The following EFNA5 variants were observed in gnomAD, a reference collection of about 807,000 sequenced individuals.
EFNA5 encodes the protein ephrin A5.
EFNA5 carries 5 observed loss-of-function variants against 22.9 expected under a neutral mutation model. The ratio of observed to expected loss-of-function variants is 0.22; its 90% CI spans 0.11 to 0.46. The LOEUF (loss-of-function observed/expected upper bound fraction) is 0.46, where lower values mean the gene tolerates loss of function less well. EFNA5 is among the 20% of genes least tolerant of loss of function. EFNA5 has a pLI of 0.99. For missense variants in EFNA5, 237 were observed against 293.3 expected, an observed-to-expected ratio of 0.81 and a Z score of 1.40; for synonymous variants, 113 against 112.2, an observed-to-expected ratio of 1.01 and a Z score of -0.04.
At chr5:107,602,169 T>C (rs933652165) in intron 1 of EFNA5, among the ~76,000 whole-genome samples, 1 of 152,244 alleles carries the variant, frequency 6.6e-6, no homozygotes, top group Non-Finnish European at 1.5e-5. Context: ...ATGTTTCATA[T>C]GAGGAGCTGT....
chr5:107,582,746 CAAA>C (rs541017429), intron 1 of EFNA5, among the ~76,000 whole-genome samples: 1 of 139,330 alleles, frequency 7.2e-6, no homozygotes, highest in Non-Finnish European at 1.6e-5. Flanking sequence ...AGATCTTGTA[CAAA>C]AAAAAAAAAG....
intron 1 of EFNA5, among the ~76,000 whole-genome samples, chr5:107,623,058 A>AAAAAAAAC (rs1750072180): frequency 2.1e-5 from 3 of 143,768 alleles, no homozygotes; most frequent in Admixed American, 7.0e-5. Flanking sequence ...AAAAAAAAAA[A>AAAAAAAAC]GTTGAATACT....
At chr5:107,546,173 T>C (rs1257788051) in intron 1 of EFNA5, among the ~76,000 whole-genome samples, 2 of 152,186 alleles carry the variant, frequency 1.3e-5, no homozygotes, top group Non-Finnish European at 2.9e-5. Context: ...CTTCTCTTCC[T>C]GAAGTATAGA....
At chr5:107,658,022 A>T (rs1345722979) in intron 1 of EFNA5, among the ~76,000 whole-genome samples, 1 of 152,174 alleles carries the variant, frequency 6.6e-6, no homozygotes, top group African/African-American at 2.4e-5. Context: ...CTACAGGAGC[A>T]AAAGTTTCTC....
At chr5:107,618,789 T>C (rs1029081180) in intron 1 of EFNA5, among the ~76,000 whole-genome samples, 1 of 152,200 alleles carries the variant, frequency 6.6e-6, no homozygotes, top group Non-Finnish European at 1.5e-5. Flanking sequence ...TGGGAAAGTG[T>C]CCACTAAGAT....
Position 107,378,188 on chromosome 5 carries a change from A to G in EFNA5, c.*3067T>C, listed in dbSNP as rs886544382. The G allele has an allele frequency of 4.5e-5, 6 of 134,460 alleles. No homozygotes were observed. Among genetic ancestry groups the G allele is most frequent in the Non-Finnish European group, 7.9e-5 (5 of 63,600 alleles). The allele number at this position is 134,460 out of a possible 1,614,324, so 8.3% of individuals were successfully genotyped here. On this transcript the variant is annotated 3_prime_UTR_variant, in exon 5 of 5. Transcript: ENST00000333274. ...TAATAATACAGAATTTAAAGAACGC[A>G]GTTTTTTTTTTTTTTTTAATGTTTT...
At chr5:107,581,172 C>T (rs1272280205) in intron 1 of EFNA5, among the ~76,000 whole-genome samples, 1 of 152,134 alleles carries the variant, frequency 6.6e-6, no homozygotes, top group Non-Finnish European at 1.5e-5. Flanking sequence ...TGCTCATCTG[C>T]CAAAACTGCA....
intron 1 of EFNA5, among the ~76,000 whole-genome samples, chr5:107,533,781 T>C (rs573950483): frequency 6.6e-6 from 1 of 152,182 alleles, no homozygotes; most frequent in Non-Finnish European, 1.5e-5. Flanking sequence ...AAAATATATA[T>C]CAGCATCTTT....
At chr5:107,594,787 T>G (rs1749441025) in intron 1 of EFNA5, among the ~76,000 whole-genome samples, 1 of 152,202 alleles carries the variant, frequency 6.6e-6, no homozygotes, top group African/African-American at 2.4e-5. Context: ...CCGTATGCAC[T>G]GACCAGCACC....
At chr5:107,506,360 A>C (rs543564711) in intron 1 of EFNA5, among the ~76,000 whole-genome samples, 137 of 152,360 alleles carry the variant, frequency 9.0e-4, no homozygotes, top group African/African-American at 3.3e-3. Flanking sequence ...GGAACATTAC[A>C]ATTTAGTTGA....
At chr5:107,537,569 T>C (rs952805492) in intron 1 of EFNA5, among the ~76,000 whole-genome samples, 20 of 152,108 alleles carry the variant, frequency 1.3e-4, no homozygotes, top group African/African-American at 4.6e-4. Flanking sequence ...ATTGCACTCC[T>C]GCCTGGGCCA....
chr5:107,574,674 G>C (rs549732541), intron 1 of EFNA5, among the ~76,000 whole-genome samples: 1 of 152,194 alleles, frequency 6.6e-6, no homozygotes, highest in Non-Finnish European at 1.5e-5. Flanking sequence ...TGGGCTTGAA[G>C]CTATATGGAA....
rs1383927925 is a variant in EFNA5 at position 107,384,762 on chromosome 5, C to T, written c.565+2473G>A. The stretch of plus-strand genomic sequence containing the variant: ...AAGTAACTGAGACTAAAGGCACACA[C>T]ACCACATTTTTTTTTTTTTTTTTTT... On this transcript the variant is annotated intron_variant, in intron 4 of 4. Coordinates refer to ENST00000333274, the MANE Select transcript of EFNA5 (RefSeq NM_001962.3). Among the ~76,000 whole-genome samples the T allele has an allele frequency of 3.1e-5, 4 of 130,696 alleles. No individual in the cohort carries two copies. The South Asian group carries it at 7.4e-4, about 24-fold the overall frequency. The allele number at this position is 130,696 out of a possible 152,430, so 85.7% of individuals were successfully genotyped here.
At chr5:107,553,947 T>C (rs923293012) in intron 1 of EFNA5, among the ~76,000 whole-genome samples, 4 of 152,240 alleles carry the variant, frequency 2.6e-5, no homozygotes, top group African/African-American at 9.6e-5. Flanking sequence ...CATTATATTT[T>C]CTTTCTTTGC....
chr5:107,409,942 C>A (rs1192750329), intron 2 of EFNA5, among the ~76,000 whole-genome samples: 1 of 151,830 alleles, frequency 6.6e-6, no homozygotes, highest in Non-Finnish European at 1.5e-5. Context: ...AAATGGGACT[C>A]CAGAAAGATG....
chr5:107,561,198 T>A (rs929135170), intron 1 of EFNA5, among the ~76,000 whole-genome samples: 1 of 152,146 alleles, frequency 6.6e-6, no homozygotes, highest in East Asian at 1.9e-4. Context: ...AAATGCCTTC[T>A]AAGAATTAAC....
intron 1 of EFNA5, among the ~76,000 whole-genome samples, chr5:107,568,671 C>G (rs1467608517): frequency 1.3e-5 from 2 of 152,148 alleles, no homozygotes; most frequent in Non-Finnish European, 2.9e-5. Flanking sequence ...AGAGAACATA[C>G]AAATAATTGT....
chr5:107,441,566 C>T (rs1464203505), intron 1 of EFNA5, among the ~76,000 whole-genome samples: 6 of 152,162 alleles, frequency 3.9e-5, no homozygotes, highest in African/African-American at 1.4e-4. Context: ...ATTATTCCAA[C>T]TCACTAGAGG....
At chr5:107,431,423 C>T (rs995352981) in intron 1 of EFNA5, among the ~76,000 whole-genome samples, 1 of 152,172 alleles carries the variant, frequency 6.6e-6, no homozygotes, top group Non-Finnish European at 1.5e-5. Flanking sequence ...TGAAGGAGCA[C>T]ATAAGTATGG....
Sources: allele counts gnomAD v4.1 joint callset (sites outside exome capture counted in the v4.1 genomes callset), GRCh38; gene constraint gnomAD v4.1.1; transcripts MANE v1.5; gene names NCBI Gene and HGNC (gene_info 2026-07-23, HGNC 2026-07-21).